Variants in MGAT4C observed in about 807,000 individuals in gnomAD.
The protein encoded by MGAT4C is MGAT4 family member C, also known as alpha-1,3-mannosyl-glycoprotein 4-beta-N-acetylglucosaminyltransferase C.
MGAT4C carries 19 observed loss-of-function variants against 40.1 expected under a neutral mutation model. The ratio of observed to expected loss-of-function variants is 0.47; its 90% confidence interval spans 0.33 to 0.70. MGAT4C has a LOEUF of 0.70. MGAT4C is among the 30% of genes least tolerant of loss of function. MGAT4C has a pLI of 0.02. For missense variants in MGAT4C, 491 were observed against 563.2 expected (o/e 0.87, Z 1.30); for synonymous variants, 181 against 187.1 (o/e 0.97, Z 0.27).
intron 2 of MGAT4C, among the ~76,000 whole-genome samples, chr12:86,669,290 C>T (rs764688159): frequency 6.6e-6 from 1 of 152,040 alleles, no homozygotes; most frequent in Admixed American, 6.6e-5. Flanking sequence ...GAATGAACAG[C>T]CCCACCTTTC....
chr12:86,834,612 C>CCACACATACA (rs1555235302), intron 1 of MGAT4C, among the ~76,000 whole-genome samples: 32 of 148,290 alleles, frequency 2.2e-4, no homozygotes, highest in African/African-American at 7.6e-4. Context: ...CCCCCAACCA[C>CCACACATACA]CACACACACA....
At chr12:86,228,736 G>A (rs2136008027) in intron 1 of MGAT4C, among the ~76,000 whole-genome samples, 1 of 151,920 alleles carries the variant, frequency 6.6e-6, no homozygotes, top group East Asian at 1.9e-4. Flanking sequence ...AAAACTAAAA[G>A]AAAAAACATT....
chr12:86,777,434 T>TGG (rs1049988923), intron 1 of MGAT4C, among the ~76,000 whole-genome samples: 2 of 152,208 alleles, frequency 1.3e-5, no homozygotes, highest in Admixed American at 1.3e-4. Context: ...AGAATTGGAC[T>TGG]GGTTTACCTC....
chr12:86,475,008 C>T lies in MGAT4C; in HGVS notation c.-228-39743G>A, dbSNP rs539030964. ...AAAATACAAAGTTAGAAGTTTAGCA[C>T]TTAACTGAATATATGTTAATATGCA... On this transcript the variant is annotated intron_variant, in intron 2 of 7. Coordinates refer to the MGAT4C transcript ENST00000548651. 1.9e-3 allele frequency among the ~76,000 whole-genome samples: 285 copies of T among 152,122 alleles called. 1 individual carries two copies. The highest frequency in any genetic ancestry group is 5.4e-3 in the African/African-American group (225 of 41,532).
chr12:86,624,181 G>C (rs1260918269), intron 2 of MGAT4C, among the ~76,000 whole-genome samples: 1 of 152,124 alleles, frequency 6.6e-6, no homozygotes, highest in African/African-American at 2.4e-5. Flanking sequence ...ACTGAGGCAA[G>C]GGCCTACCCA....
At chr12:86,374,920 T>C (rs1162613623) in intron 3 of MGAT4C, among the ~76,000 whole-genome samples, 1 of 152,148 alleles carries the variant, frequency 6.6e-6, no homozygotes, top group South Asian at 2.1e-4. Flanking sequence ...ATACACTAGA[T>C]CTTATGAACA....
At chr12:86,260,974 A>C (rs1471479863), upstream of MGAT4C, among the ~76,000 whole-genome samples, 1 of 151,970 alleles carries the variant, frequency 6.6e-6, no homozygotes, top group Non-Finnish European at 1.5e-5. Flanking sequence ...ATTAAACAGC[A>C]TATATAGCTA....
chr12:86,587,283 G>A (rs1299558677), intron 2 of MGAT4C, among the ~76,000 whole-genome samples: 1 of 152,008 alleles, frequency 6.6e-6, no homozygotes, highest in Admixed American at 6.6e-5. Flanking sequence ...CATTATTTCT[G>A]AGGACTCTGT....
chr12:86,044,915 G>A (rs1475694134), intron 2 of MGAT4C, among the ~76,000 whole-genome samples: 1 of 152,098 alleles, frequency 6.6e-6, no homozygotes, highest in East Asian at 1.9e-4. Context: ...GGGTGTTGTG[G>A]TATCTCAGGT....
intron 2 of MGAT4C, among the ~76,000 whole-genome samples, chr12:86,622,526 CA>C (rs1962672168): frequency 6.6e-6 from 1 of 151,986 alleles, no homozygotes; most frequent in Non-Finnish European, 1.5e-5. Context: ...GAGGGAGCAC[CA>C]GGTAAAACAC....
At chr12:86,109,317 G>A (rs1255928713) in intron 1 of MGAT4C, among the ~76,000 whole-genome samples, 1 of 152,020 alleles carries the variant, frequency 6.6e-6, no homozygotes, top group Non-Finnish European at 1.5e-5. Context: ...GCGTGGTATT[G>A]TAAATTAATA....
intron 1 of MGAT4C, among the ~76,000 whole-genome samples, chr12:86,179,560 A>G (rs1203336368): frequency 6.6e-6 from 1 of 152,216 alleles, no homozygotes; most frequent in African/African-American, 2.4e-5. Context: ...GAACAATTCT[A>G]GGCTGAGATG....
chr12:86,130,832 A>T (rs964816339), intron 1 of MGAT4C, among the ~76,000 whole-genome samples: 1 of 152,016 alleles, frequency 6.6e-6, no homozygotes, highest in South Asian at 2.1e-4. Context: ...CTAAAACCAT[A>T]TTGTATTTAG....
At chr12:86,430,330 A>G (rs1957009431) in intron 3 of MGAT4C, among the ~76,000 whole-genome samples, 1 of 152,114 alleles carries the variant, frequency 6.6e-6, no homozygotes, top group Non-Finnish European at 1.5e-5. Flanking sequence ...TTGATTCTTC[A>G]TAATCCTGTG....
chr12:86,203,295 C>T (rs571167974), intron 1 of MGAT4C, among the ~76,000 whole-genome samples: 4 of 152,140 alleles, frequency 2.6e-5, no homozygotes, highest in Admixed American at 6.6e-5. Context: ...TGGGTTCTTA[C>T]GTAAATTTCC....
intron 3 of MGAT4C, among the ~76,000 whole-genome samples, chr12:86,384,834 C>T (rs931718292): frequency 1.3e-5 from 2 of 152,112 alleles, no homozygotes; most frequent in African/African-American, 4.8e-5. Flanking sequence ...CTTCAGATGG[C>T]CTCTTTCTTG....
chr12:86,288,725 G>T (rs946554039), intron 4 of MGAT4C, among the ~76,000 whole-genome samples: 2 of 152,008 alleles, frequency 1.3e-5, no homozygotes, highest in Admixed American at 1.3e-4. Context: ...TTTGGAAAGT[G>T]TCTGTTCATG....
intron 2 of MGAT4C, among the ~76,000 whole-genome samples, chr12:85,994,196 C>A (rs960459329): frequency 6.6e-6 from 1 of 152,162 alleles, no homozygotes; most frequent in Admixed American, 6.5e-5. Flanking sequence ...GATATAATTC[C>A]CAAGAGTTGA....
chr12:86,113,582 C>T (rs954622631), intron 1 of MGAT4C, among the ~76,000 whole-genome samples: 9 of 151,684 alleles, frequency 5.9e-5, no homozygotes, highest in Admixed American at 4.0e-4. Context: ...GCCAGGAAAA[C>T]GATGTAGTTT....
Sources: gnomAD v4.1 joint callset for allele counts (sites outside exome capture counted in the v4.1 genomes callset) on GRCh38, gnomAD v4.1.1 for gene constraint, MANE v1.5 for transcripts, NCBI Gene and HGNC (gene_info 2026-07-23, HGNC 2026-07-21) for gene names.